Variants in ANKIB1 observed in about 807,000 individuals in gnomAD.
ANKIB1 encodes the protein ankyrin repeat and IBR domain containing 1.
ANKIB1 carries 43 observed loss-of-function variants against 122.1 expected under a neutral mutation model. That is an observed-to-expected ratio of 0.35 (90% CI 0.28 to 0.45). The LOEUF (loss-of-function observed/expected upper bound fraction) is 0.45, where lower values mean the gene tolerates loss of function less well. Ranked by LOEUF, ANKIB1 falls within the 20% of genes least tolerant of loss-of-function variation. The pLI is 1.00. For synonymous variants in ANKIB1, 390 were observed against 442.0 expected (o/e 0.88, Z 1.48); for missense variants, 992 against 1,329.5 (o/e 0.75, Z 3.95).
At position 92,282,222 on chromosome 7, in the gene ANKIB1, C is replaced by T. The variant is rs113685435; in HGVS notation, c.-90-12667C>T. 4.6e-5 allele frequency among the ~76,000 whole-genome samples: 7 copies of T among 152,140 alleles called. 1 individual carries two copies. Among genetic ancestry groups the T allele is most frequent in the African/African-American group, 1.2e-4 (5 of 41,514 alleles). The stretch of plus-strand genomic sequence containing the variant: ...AGACTGGAGTTGAGTGGCGCCATCT[C>T]GGTGCACCACACCCTCCGCTCCCCA... On this transcript the variant is annotated intron_variant, in intron 1 of 19. Transcript: ENST00000265742.
chr7:92,259,786 G>T (rs1801521736), intron 1 of ANKIB1, among the ~76,000 whole-genome samples: 1 of 152,082 alleles, frequency 6.6e-6, no homozygotes, highest in Non-Finnish European at 1.5e-5. Context: ...TCTCAGTAGT[G>T]GTAACCCCTT....
intron 4 of ANKIB1, among the ~76,000 whole-genome samples, chr7:92,321,523 A>G (rs1802911979): frequency 6.6e-6 from 1 of 152,212 alleles, no homozygotes; most frequent in Non-Finnish European, 1.5e-5. Flanking sequence ...GACTGTTTTC[A>G]GTGTTTGAAA....
At chr7:92,262,457 G>A (rs1354058689) in intron 1 of ANKIB1, among the ~76,000 whole-genome samples, 1 of 152,084 alleles carries the variant, frequency 6.6e-6, no homozygotes, top group East Asian at 1.9e-4. Flanking sequence ...TAAATGTAAA[G>A]CAAAAACTGA....
intron 11 of ANKIB1, among the ~76,000 whole-genome samples, chr7:92,376,504 C>T (rs1008981510): frequency 3.3e-5 from 5 of 149,446 alleles, no homozygotes; most frequent in African/African-American, 1.2e-4. Flanking sequence ...GGCTGGTGTG[C>T]AATGGTGGAT....
chr7:92,251,464 G>A (rs1801329862), intron 1 of ANKIB1, among the ~76,000 whole-genome samples: 1 of 152,084 alleles, frequency 6.6e-6, no homozygotes, highest in Non-Finnish European at 1.5e-5. Flanking sequence ...ATCACTAGAT[G>A]TTCTATATCA....
chr7:92,398,287 G>T lies in ANKIB1; in HGVS notation c.2608G>T (p.Ala870Ser). The stretch of plus-strand genomic sequence containing the variant: ...GTTATCACTGCAAGAGTCTGGGCTG[G>T]CCCTCGATGAAGAAACTAGAGACTT... The part of the protein sequence containing the change: ...IQLSLQESGL[A>S]LDEETRDFLS... The change falls in exon 20 of 20, where the codon GCC becomes TCC. Residue 870 changes from alanine (A) to serine (S), a missense_variant. Ala to Ser is a moderately conservative substitution (Grantham distance 99, BLOSUM62 1). Transcript: ENST00000265742. 6.2e-7 allele frequency: 1 copy of T among 1,613,726 alleles called. No homozygotes were observed. Among genetic ancestry groups the T allele is most frequent in the African/African-American group, 1.3e-5 (1 of 75,030 alleles).
chr7:92,335,614 A>G (rs919996960), intron 5 of ANKIB1, among the ~76,000 whole-genome samples: 1 of 151,940 alleles, frequency 6.6e-6, no homozygotes, highest in African/African-American at 2.4e-5. Flanking sequence ...TCTCACCATG[A>G]AATGTCCCTT....
At chr7:92,341,934 A>G (rs981058408) in intron 5 of ANKIB1, among the ~76,000 whole-genome samples, 3 of 152,152 alleles carry the variant, frequency 2.0e-5, no homozygotes, top group South Asian at 2.1e-4. Context: ...AGGAGCATCT[A>G]TATTTATATA....
At chr7:92,347,065 A>G (rs1803556623) in intron 7 of ANKIB1, among the ~76,000 whole-genome samples, 2 of 152,206 alleles carry the variant, frequency 1.3e-5, no homozygotes, top group Admixed American at 1.3e-4. Flanking sequence ...ACATAGAAAA[A>G]GAAACTCCTA....
intron 19 of ANKIB1, 85 bp from the exon 20 acceptor site, chr7:92,398,127 G>GT: frequency 7.3e-7 from 1 of 1,369,050 alleles, no homozygotes. Flanking sequence ...TAATCTGTTG[G>GT]TAAAGGAAGA....
chr7:92,382,247 G>A (rs1035683569), intron 11 of ANKIB1, among the ~76,000 whole-genome samples: 1 of 152,130 alleles, frequency 6.6e-6, no homozygotes, highest in Non-Finnish European at 1.5e-5. Flanking sequence ...AAAAAGTCCT[G>A]AGAGACCTAA....
chr7:92,334,425 G>A (rs1251270200), intron 5 of ANKIB1, among the ~76,000 whole-genome samples: 28 of 151,986 alleles, frequency 1.8e-4, no homozygotes, highest in Admixed American at 1.2e-3. Context: ...GAACCATATG[G>A]GACATGCATT....
At chr7:92,348,416 C>T (rs978573917) in intron 7 of ANKIB1, among the ~76,000 whole-genome samples, 9 of 141,652 alleles carry the variant, frequency 6.4e-5, no homozygotes, top group African/African-American at 1.8e-4. Flanking sequence ...GTTGGAGTCT[C>T]GCTCCGTCAC....
chr7:92,344,919 G>A (rs899402464), intron 6 of ANKIB1, 59 bp from the exon 7 acceptor site: 2 of 1,419,846 alleles, frequency 1.4e-6, no homozygotes, highest in African/African-American at 2.9e-5. Context: ...TAAACAAAAT[G>A]TATTGTTCTC....
intron 11 of ANKIB1, among the ~76,000 whole-genome samples, chr7:92,378,839 A>C (rs1404935296): frequency 6.6e-6 from 1 of 152,252 alleles, no homozygotes; most frequent in African/African-American, 2.4e-5. Context: ...TCAGTTAAGT[A>C]GCAGAGTACA....
At chr7:92,287,215 G>A (rs1255956540) in intron 1 of ANKIB1, among the ~76,000 whole-genome samples, 1 of 152,204 alleles carries the variant, frequency 6.6e-6, no homozygotes, top group Non-Finnish European at 1.5e-5. Flanking sequence ...ACTATTTACT[G>A]TGTTTAGATT....
chr7:92,309,942 A>AAAAAAAAAATATATATAT (rs1335765681), intron 3 of ANKIB1, among the ~76,000 whole-genome samples: 7 of 91,786 alleles, frequency 7.6e-5, no homozygotes, highest in African/African-American at 2.4e-4. Flanking sequence ...AAAAAAAAAA[A>AAAAAAAAAATATATATAT]ATATATATAT....
At chr7:92,259,161 G>C (rs1019066264) in intron 1 of ANKIB1, among the ~76,000 whole-genome samples, 11 of 152,116 alleles carry the variant, frequency 7.2e-5, no homozygotes, top group African/African-American at 2.4e-4. Flanking sequence ...TTGCCATGTT[G>C]CCCAGGCTGG....
chr7:92,330,479 A>G lies in ANKIB1; in HGVS notation c.787+2579A>G, dbSNP rs373312359. 2.0e-4 allele frequency among the ~76,000 whole-genome samples: 30 copies of G among 152,270 alleles called. No individual in the cohort carries two copies. In the South Asian group the frequency reaches 6.2e-3, roughly 32 times the overall value. ...TGCCATGTTTATAAACTTCAAAGTA[A>G]ATTCTATAGAAAAAAATTTAGACCT... On this transcript the variant is annotated intron_variant, in intron 5 of 19. Transcript: ENST00000265742.
Sources: gnomAD v4.1 joint callset for allele counts (sites outside exome capture counted in the v4.1 genomes callset) on GRCh38, gnomAD v4.1.1 for gene constraint, MANE v1.5 for transcripts, NCBI Gene and HGNC (gene_info 2026-07-23, HGNC 2026-07-21) for gene names.